The following UGGT1 variants were observed in gnomAD, a reference collection of about 807,000 sequenced individuals.
UGGT1 encodes the protein UDP-glucose glycoprotein glucosyltransferase 1, also known as UDP-glucose:glycoprotein glucosyltransferase 1.
Under a neutral mutation model 203.9 loss-of-function variants are expected in UGGT1, and 107 were observed. The ratio of observed to expected loss-of-function variants is 0.52; its 90% CI spans 0.45 to 0.62. The LOEUF (loss-of-function observed/expected upper bound fraction) is 0.62, where lower values mean the gene tolerates loss of function less well. Ranked by LOEUF, UGGT1 falls within the 20% of genes least tolerant of loss-of-function variation. The pLI, the probability that UGGT1 is intolerant of heterozygous loss-of-function variation, is 0.00. For missense variants in UGGT1, 1,673 were observed against 1,867.2 expected, an observed-to-expected ratio of 0.90 and a Z score of 1.92; for synonymous variants, 628 against 653.5, an observed-to-expected ratio of 0.96 and a Z score of 0.59.
intron 19 of UGGT1, among the ~76,000 whole-genome samples, chr2:128,154,509 G>A (rs1573584044): frequency 6.6e-6 from 1 of 152,130 alleles, no homozygotes. Context: ...CTTTGGCTTT[G>A]GCTGTCCTGG....
At chr2:128,135,573 CTT>C (rs912403039) in intron 15 of UGGT1, among the ~76,000 whole-genome samples, 23 of 152,128 alleles carry the variant, frequency 1.5e-4, no homozygotes, top group African/African-American at 5.3e-4. Context: ...GAAAATAACT[CTT>C]TATTCAATAA....
chr2:128,170,328 G>C lies in UGGT1; in HGVS notation c.2962G>C (p.Asp988His). ...GCCGAAGGAAGGGGAGACATACTTT[G>C]ATGTTGTGGCTGTCGTTGACCCTGT... ...LRPKEGETYF[D>H]VVAVVDPVTR... Residue 988 changes from aspartate to histidine, a missense_variant, in exon 27 of 41, where the codon GAT (aspartate) becomes CAT (histidine). Around this residue, in one of 4 missense-constraint regions of UGGT1, gnomAD observed 1,073 missense variants for 1,078.7 expected, o/e 0.99. Coordinates refer to ENST00000259253, the MANE Select transcript of UGGT1 (RefSeq NM_020120.4). 6.2e-7 allele frequency: 1 copy of C among 1,614,222 alleles called. No individual in the cohort carries two copies.
At chr2:128,143,279 C>T (rs2105458316) in intron 17 of UGGT1, 54 bp downstream of exon 17, 4 of 1,538,610 alleles carry the variant, frequency 2.6e-6, no homozygotes, top group African/African-American at 1.4e-5. Context: ...CTGTCCTTAA[C>T]CCCGTGTTTG....
chr2:128,163,806 A>G (rs1019641871), intron 25 of UGGT1, among the ~76,000 whole-genome samples: 3 of 152,244 alleles, frequency 2.0e-5, no homozygotes, highest in Non-Finnish European at 4.4e-5. Flanking sequence ...GTGAAATTAG[A>G]AACAACACAG....
intron 3 of UGGT1, among the ~76,000 whole-genome samples, chr2:128,105,069 G>A (rs1687542033): frequency 1.3e-5 from 2 of 151,324 alleles, no homozygotes; most frequent in Admixed American, 1.3e-4. Flanking sequence ...ATACAACGGA[G>A]ATGAGGTCTC....
chr2:128,153,291 C>G lies in UGGT1; in HGVS notation c.2137+387C>G, dbSNP rs940185131. On this transcript the variant is annotated intron_variant, in intron 19 of 40. Coordinates refer to ENST00000259253, the MANE Select transcript of UGGT1 (RefSeq NM_020120.4). ...TCAGCCATAATGTCAACAAATATCTCAGTGAATTTTACTCTGAGAACTTAG... is the reference window on the plus strand; with the variant it reads ...TCAGCCATAATGTCAACAAATATCTGAGTGAATTTTACTCTGAGAACTTAG... Among the ~76,000 whole-genome samples the G allele has an allele frequency of 3.3e-5, 5 of 152,186 alleles. No individual in the cohort carries two copies. In the East Asian group the frequency reaches 9.6e-4, roughly 29 times the overall value.
rs2105317906 is a variant in UGGT1, at chr2:128,091,209, A to G, written c.-149A>G. ...TAAAAGGGCGGCCGGCAGCTGGGCA[A>G]TTGCTTTGCGAGGCTGGGTGTTGAG... On this transcript the variant is annotated 5_prime_UTR_variant, in exon 1 of 41. Transcript: ENST00000259253. The G allele has an allele frequency of 4.6e-6, 4 of 874,624 alleles. No homozygotes were observed. The highest frequency in any genetic ancestry group is 5.0e-6 in the Non-Finnish European group (3 of 605,164). The allele number at this position is 874,624 out of a possible 1,614,324, so 54.2% of individuals were successfully genotyped here.
chr2:128,117,441 T>TA (rs1383623514), intron 8 of UGGT1, among the ~76,000 whole-genome samples: 2 of 152,192 alleles, frequency 1.3e-5, no homozygotes, highest in East Asian at 3.8e-4. Flanking sequence ...AATGGTATTT[T>TA]AAAAAATTCC....
Position 128,157,327 on chromosome 2 carries a change from A to G in UGGT1, c.2336A>G (p.Tyr779Cys). The G allele has an allele frequency of 1.9e-6, 3 of 1,613,780 alleles. No homozygotes were observed. The highest frequency in any genetic ancestry group is 2.5e-6 in the Non-Finnish European group (3 of 1,179,678). The change falls in exon 22 of 41, where the codon TAT becomes TGT. Residue 779 changes from tyrosine (Y) to cysteine (C), a missense_variant. Tyr to Cys is a radical substitution (Grantham distance 194). Transcript: ENST00000259253. ...AGCCCTTCTGGACGGCAGTTACTGT[A>G]TGATGCCATCAAACATCAGGCAAGT... is the stretch of plus-strand genomic sequence containing the variant. ...FDSPSGRQLLYDAIKHQKSSN... is the reference protein window; with the variant it reads ...FDSPSGRQLLCDAIKHQKSSN...
At chr2:128,141,104 AC>A (rs1689400809) in intron 16 of UGGT1, among the ~76,000 whole-genome samples, 1 of 151,956 alleles carries the variant, frequency 6.6e-6, no homozygotes, top group South Asian at 2.1e-4. Context: ...GAGGGAGATC[AC>A]CTGAGGTCAG....
chr2:128,149,047 C>G (rs965444590), intron 18 of UGGT1, among the ~76,000 whole-genome samples: 3 of 151,960 alleles, frequency 2.0e-5, no homozygotes, highest in Non-Finnish European at 4.4e-5. Flanking sequence ...ACTTTCCTTA[C>G]CAAAACTTTT....
rs1691825833 is a variant in UGGT1 at position 128,183,714 on chromosome 2, AG to A, written c.4285del (p.Ala1429LeufsTer13). 6.2e-7 allele frequency: 1 copy of A among 1,614,112 alleles called. No homozygotes were observed. ...TGGATCTGAAGAAGTTTAGGAAAAT[AG>A]CTGCTGGTGACAGACTCAGGGGACA... ...VVDLKKFRKI[A>X]AGDRLRGQYQ... On this transcript the variant is annotated frameshift_variant, in exon 38 of 41. Coordinates refer to ENST00000259253, the MANE Select transcript of UGGT1 (RefSeq NM_020120.4). LOFTEE classifies it high-confidence loss of function.
chr2:128,189,219 G>T (rs1232622881), intron 40 of UGGT1, among the ~76,000 whole-genome samples: 1 of 152,178 alleles, frequency 6.6e-6, no homozygotes, highest in African/African-American at 2.4e-5. Context: ...TTAGAAGCCC[G>T]TAAGGCGTTT....
intron 37 of UGGT1, 94 bp downstream of exon 37, chr2:128,182,384 G>C (rs759379229): frequency 7.1e-6 from 10 of 1,406,486 alleles, no homozygotes; most frequent in Non-Finnish European, 8.6e-6. Flanking sequence ...ACATTGGTAT[G>C]GTTGAAAAAT....
At chr2:128,152,309 C>T (rs578087895) in intron 18 of UGGT1, among the ~76,000 whole-genome samples, 4 of 152,136 alleles carry the variant, frequency 2.6e-5, no homozygotes, top group African/African-American at 7.2e-5. Context: ...CTGGGATTAC[C>T]GGCACCTGCC....
chr2:128,171,392 A>C (rs1045243748), intron 28 of UGGT1, 108 bp downstream of exon 28: 1 of 1,032,824 alleles, frequency 9.7e-7, no homozygotes, highest in African/African-American at 1.6e-5. Context: ...TCATGTTTGA[A>C]ATGGTCATTT....
intron 28 of UGGT1, 78 bp downstream of exon 28, chr2:128,171,362 G>A: frequency 7.4e-7 from 1 of 1,353,658 alleles, no homozygotes; most frequent in South Asian, 1.3e-5. Context: ...TAGAGGATCA[G>A]ATGGATTTAT....
intron 13 of UGGT1, among the ~76,000 whole-genome samples, chr2:128,129,738 T>A (rs1688786619): frequency 6.6e-6 from 1 of 152,140 alleles, no homozygotes; most frequent in South Asian, 2.1e-4. Flanking sequence ...CCCCTGGTAT[T>A]CAGCTGAGCA....
chr2:128,183,937 T>TGTGTGTGTGTGTGA (rs151153786), intron 38 of UGGT1, 148 bp downstream of exon 38: 10,938 of 324,774 alleles, frequency 0.034, 223 homozygotes, highest in Non-Finnish European at 0.042. Context: ...TGTGTGTGTG[T>TGTGTGTGTGTGTGA]GAGAGAGAGA....
Sources: allele counts gnomAD v4.1 joint callset (sites outside exome capture counted in the v4.1 genomes callset), GRCh38; gene constraint gnomAD v4.1.1; regional missense constraint gnomAD v4.1.1; transcripts MANE v1.5; gene names NCBI Gene and HGNC (gene_info 2026-07-23, HGNC 2026-07-21).